The following PADI6 variants were observed in gnomAD, a reference collection of about 807,000 sequenced individuals.
The protein encoded by PADI6 is peptidyl arginine deiminase 6.
PADI6 carries 66 observed loss-of-function variants against 78.2 expected under a neutral mutation model. The ratio of observed to expected loss-of-function variants is 0.84; its 90% CI spans 0.69 to 1.04. PADI6 has a LOEUF of 1.04. Ranked by LOEUF, PADI6 falls within the 50% of genes least tolerant of loss-of-function variation. The pLI is 0.00. For synonymous variants in PADI6, 397 were observed against 346.9 expected, an observed-to-expected ratio of 1.14 and a Z score of -1.60; for missense variants, 854 against 866.1, an observed-to-expected ratio of 0.99 and a Z score of 0.18.
In PADI6 at chr1:17,372,381, G is replaced by A. The variant is rs758611630; in HGVS notation, c.116+20G>A. ...CAGCGGGTGAGATGCTGGGAGCTCTGCCAGAGGTGGCAGGCAGACAGGCAG... is the reference window on the plus strand; with the variant it reads ...CAGCGGGTGAGATGCTGGGAGCTCTACCAGAGGTGGCAGGCAGACAGGCAG... On this transcript the variant is annotated intron_variant, in intron 1 of 15. Coordinates refer to ENST00000619609, the MANE Select transcript of PADI6 (RefSeq NM_207421.4). 3.1e-6 allele frequency: 5 copies of A among 1,610,050 alleles called. No homozygotes were observed. Among genetic ancestry groups the A allele is most frequent in the Non-Finnish European group, 3.4e-6 (4 of 1,176,520 alleles).
rs549911791 is a variant in PADI6, at chr1:17,381,283, C to T, written c.553+119C>T. On this transcript the variant is annotated intron_variant, in intron 5 of 15. Coordinates refer to ENST00000619609, the MANE Select transcript of PADI6 (RefSeq NM_207421.4). ...CCCCCGACACCCTCTTCCCCAGTCC[C>T]CATGCCTGGGCTGATCAAACCTTTT... 253 of 798,380 alleles carry T rather than the reference C, an allele frequency of 3.2e-4. 1 individual carries two copies. Among genetic ancestry groups the T allele is most frequent in the Middle Eastern group, 3.1e-3 (12 of 3,840 alleles). 49.5% of individuals were successfully genotyped at this position (798,380 alleles called of 1,614,324 possible).
chr1:17,396,646 CAAAT>C (rs1258454024), intron 13 of PADI6, among the ~76,000 whole-genome samples: 1 of 152,142 alleles, frequency 6.6e-6, no homozygotes, highest in Non-Finnish European at 1.5e-5. Flanking sequence ...TCAGAGCTGG[CAAAT>C]AAATTGGGCA....
chr1:17,389,808 G>A (rs1156626283), intron 8 of PADI6, among the ~76,000 whole-genome samples: 7 of 152,216 alleles, frequency 4.6e-5, no homozygotes, highest in Non-Finnish European at 1.0e-4. Context: ...AGCCAGGGTG[G>A]CAGGAGCAGC....
chr1:17,384,368 A>G (rs1252780264), intron 6 of PADI6, among the ~76,000 whole-genome samples: 3 of 152,096 alleles, frequency 2.0e-5, no homozygotes, highest in Non-Finnish European at 4.4e-5. Context: ...CCAAGGCAGG[A>G]GGCTTACTTG....
At position 17,377,813 on chromosome 1, in the gene PADI6, C is replaced by A. The variant is rs78946138; in HGVS notation, c.368-2107C>A. 9.2e-5 allele frequency among the ~76,000 whole-genome samples: 14 copies of A among 152,302 alleles called. No individual in the cohort carries two copies. The East Asian group carries it at 2.5e-3, about 27-fold the overall frequency. On this transcript the variant is annotated intron_variant, in intron 3 of 15. Coordinates refer to ENST00000619609, the MANE Select transcript of PADI6 (RefSeq NM_207421.4). The stretch of plus-strand genomic sequence containing the variant: ...AGTGGGGTTCATGCTGGCACTCTTG[C>A]CCTTCTGACTAAGACCTCTAGCCTT...
In PADI6 at chr1:17,388,563, T is replaced by G. The variant is rs1159978270; in HGVS notation, c.858+4T>G. The G allele has an allele frequency of 1.2e-6, 2 of 1,604,748 alleles. No individual in the cohort carries two copies. Among genetic ancestry groups the G allele is most frequent in the East Asian group, 2.2e-5 (1 of 44,814 alleles). On this transcript the variant is annotated splice_donor_region_variant and intron_variant, in intron 7 of 15. Transcript: ENST00000619609. ...GGTGGAGGAGTCTCAAGACCCGGTA[T>G]GTCCCCATAATAGATGGGTCCTCAG...
chr1:17,375,487 C>G lies in PADI6; in HGVS notation c.355C>G (p.Leu119Val), dbSNP rs763279385. The G allele has an allele frequency of 8.1e-6, 13 of 1,607,366 alleles. No homozygotes were observed. The highest frequency in any genetic ancestry group is 1.0e-5 in the Non-Finnish European group (12 of 1,176,968). Residue 119 changes from leucine to valine, a missense_variant, in exon 3 of 16, where the codon CTC becomes GTC. Leu to Val is a conservative substitution (Grantham distance 32). Coordinates refer to ENST00000619609, the MANE Select transcript of PADI6 (RefSeq NM_207421.4). ...DAPVGTAVLY[L>V]TGIEVSLEVD... ...CCCCGTGGGCACAGCTGTGCTGTAC[C>G]TCACTGGCATTGGTGAGTGTTGCTC...
chr1:17,391,923 T>C (rs72637462), intron 8 of PADI6, among the ~76,000 whole-genome samples, 191 bp from the exon 9 acceptor site: 99,355 of 152,244 alleles, frequency 0.65, 32,630 homozygotes, highest in East Asian at 0.82. Flanking sequence ...AGCTGAGTAG[T>C]GTCAGACAAG....
At chr1:17,385,595 A>G (rs545197492) in intron 6 of PADI6, among the ~76,000 whole-genome samples, 42 of 152,274 alleles carry the variant, frequency 2.8e-4, no homozygotes, top group African/African-American at 9.1e-4. Context: ...GTGGTATAGA[A>G]CCCAGGTTCA....
At position 17,389,464 on chromosome 1, in the gene PADI6, G is replaced by A. The variant is rs7519272; in HGVS notation, c.962+584G>A. 8.8e-3 allele frequency among the ~76,000 whole-genome samples: 1,338 copies of A among 152,284 alleles called. 22 individuals are homozygous for A. Among genetic ancestry groups the A allele is most frequent in the African/African-American group, 0.03 (1,261 of 41,544 alleles). ...TGGCTGCCTCCTCTCTGGAGGCTGA[G>A]TGCACACATCCTAGGTCCAGGCCCG... On this transcript the variant is annotated intron_variant, in intron 8 of 15. Coordinates refer to ENST00000619609, the MANE Select transcript of PADI6 (RefSeq NM_207421.4).
intron 6 of PADI6, among the ~76,000 whole-genome samples, chr1:17,388,019 C>CT (rs1246174948): frequency 6.6e-6 from 1 of 152,138 alleles, no homozygotes; most frequent in East Asian, 1.9e-4. Context: ...AGTTTCTCAC[C>CT]TTTAGGACTC....
intron 8 of PADI6, among the ~76,000 whole-genome samples, chr1:17,390,807 G>A (rs1404932634): frequency 1.3e-5 from 2 of 152,158 alleles, no homozygotes; most frequent in Non-Finnish European, 2.9e-5. Context: ...GGTATCTCGA[G>A]TATTTGAAGA....
At chr1:17,373,256 A>C (rs767568910) in intron 2 of PADI6, 23 bp downstream of exon 2, 1 of 1,610,114 alleles carries the variant, frequency 6.2e-7, no homozygotes, top group Non-Finnish European at 8.5e-7. Flanking sequence ...GGAAGAGGTG[A>C]GGGGCATCTC....
At position 17,373,147 on chromosome 1, in the gene PADI6, G is replaced by A. The variant is rs2074979269; in HGVS notation, c.208G>A (p.Asp70Asn). ...CAACACGGTGATTTCTGAGAAGGAG[G>A]ACGCCACCATCTGGTGGCCCCTGTC... ...VANTVISEKEDATIWWPLSDP... is the reference protein window; with the variant it reads ...VANTVISEKENATIWWPLSDP... The change falls in exon 2 of 16, where the codon GAC (aspartate) becomes AAC (asparagine). Residue 70 changes from aspartate to asparagine, a missense_variant. Asp to Asn is a conservative substitution (Grantham distance 23, BLOSUM62 1). Coordinates refer to ENST00000619609, the MANE Select transcript of PADI6 (RefSeq NM_207421.4). The A allele has an allele frequency of 1.2e-6, 2 of 1,613,994 alleles. 1 individual carries two copies. Among genetic ancestry groups the A allele is most frequent in the East Asian group, 4.5e-5 (2 of 44,882 alleles).
intron 6 of PADI6, among the ~76,000 whole-genome samples, chr1:17,387,467 G>T (rs964715710): frequency 7.9e-5 from 12 of 151,734 alleles, no homozygotes; most frequent in Non-Finnish European, 1.2e-4. Context: ...GAGGGGGGGG[G>T]GCCAGGCGTG....
chr1:17,372,362 GT>G lies in PADI6; in HGVS notation c.116+2del. ...CAGAAATCTGCTTGGATCTCAGCGG[GT>G]GAGATGCTGGGAGCTCTGCCAGAGG... On this transcript the variant is annotated splice_donor_variant, in intron 1 of 15. Coordinates refer to ENST00000619609, the MANE Select transcript of PADI6 (RefSeq NM_207421.4). LOFTEE classifies it high-confidence loss of function. 1 of 1,613,190 alleles carries G rather than the reference GT, an allele frequency of 6.2e-7. No individual in the cohort carries two copies. Among genetic ancestry groups the G allele is most frequent in the South Asian group, 1.1e-5 (1 of 91,076 alleles).
intron 6 of PADI6, among the ~76,000 whole-genome samples, chr1:17,383,825 C>CA (rs968115067): frequency 2.0e-5 from 3 of 151,342 alleles, no homozygotes; most frequent in Non-Finnish European, 4.4e-5. Flanking sequence ...GAGTGAGACT[C>CA]AAAAAAATAA....
intron 12 of PADI6, 66 bp from the exon 13 acceptor site, chr1:17,395,474 A>AT (rs2075237367): frequency 6.5e-7 from 1 of 1,527,004 alleles, no homozygotes; most frequent in East Asian, 2.5e-5. Context: ...AAGTGCTGGG[A>AT]TTACAGATAT....
At chr1:17,376,495 TTTTTA>T (rs1185241235) in intron 3 of PADI6, among the ~76,000 whole-genome samples, 47 of 151,304 alleles carry the variant, frequency 3.1e-4, no homozygotes, top group Admixed American at 6.6e-5. Flanking sequence ...GGGCTAATTT[TTTTTA>T]TTTTTAGTGG....
Sources: allele counts gnomAD v4.1 joint callset (sites outside exome capture counted in the v4.1 genomes callset), GRCh38; gene constraint gnomAD v4.1.1; transcripts MANE v1.5; gene names NCBI Gene and HGNC (gene_info 2026-07-23, HGNC 2026-07-21).